The following NUBPL variants were observed in gnomAD, a reference collection of about 807,000 sequenced individuals.
NUBPL encodes iron-sulfur cluster transfer protein NUBPL.
Under a neutral mutation model 45.7 loss-of-function variants are expected in NUBPL, and 31 were observed. The observed-to-expected ratio is 0.68, with a 90% confidence interval of 0.51 to 0.92. The LOEUF is 0.92. Among genes scored for constraint, NUBPL ranks in the 40% least tolerant of loss-of-function variants. The pLI is 0.00. For missense variants in NUBPL, 401 were observed against 398.7 expected (o/e 1.01, Z -0.05); for synonymous variants, 144 against 140.9 (o/e 1.02, Z -0.15).
intron 6 of NUBPL, among the ~76,000 whole-genome samples, chr14:31,756,274 T>C (rs565506701): frequency 6.6e-6 from 1 of 152,332 alleles, no homozygotes; most frequent in Admixed American, 6.5e-5. Flanking sequence ...GCATTGAATC[T>C]ATAAATTTCC....
At chr14:31,709,420 A>G (rs11621384) in intron 6 of NUBPL, among the ~76,000 whole-genome samples, 44,914 of 152,122 alleles carry the variant, frequency 0.3, 7,491 homozygotes, top group South Asian at 0.41. Context: ...GATCTGAGTC[A>G]AGGTCCCAGT....
At chr14:31,618,763 TGG>T (rs1351296299) in intron 4 of NUBPL, among the ~76,000 whole-genome samples, 3 of 152,122 alleles carry the variant, frequency 2.0e-5, no homozygotes, top group African/African-American at 7.2e-5. Context: ...TGAGTTAGGG[TGG>T]AGAGTTCTGT....
At chr14:31,577,960 G>A (rs1595305722) in intron 3 of NUBPL, 1 of 1,288,998 alleles carries the variant, frequency 7.8e-7, no homozygotes, top group South Asian at 1.2e-5. Context: ...CTTTCACAAG[G>A]TCGGGGACTG....
intron 4 of NUBPL, among the ~76,000 whole-genome samples, chr14:31,620,514 C>T (rs1408776743): frequency 6.6e-6 from 1 of 152,122 alleles, no homozygotes; most frequent in South Asian, 2.1e-4. Context: ...CTGTTTGTTA[C>T]TTTATCTTCT....
intron 4 of NUBPL, among the ~76,000 whole-genome samples, chr14:31,659,628 A>T (rs2036221584): frequency 6.6e-6 from 1 of 150,840 alleles, no homozygotes; most frequent in African/African-American, 2.4e-5. Flanking sequence ...TTATATCTGT[A>T]CTCAGTGAAT....
intron 3 of NUBPL, among the ~76,000 whole-genome samples, chr14:31,586,901 A>G (rs2034009335): frequency 6.6e-6 from 1 of 152,172 alleles, no homozygotes; most frequent in Non-Finnish European, 1.5e-5. Flanking sequence ...TCCAAAATGA[A>G]TTTTGCAATC....
chr14:31,571,296 A>G (rs1595294204), intron 3 of NUBPL, among the ~76,000 whole-genome samples: 1 of 148,704 alleles, frequency 6.7e-6, no homozygotes, highest in African/African-American at 2.5e-5. Flanking sequence ...CTTGATGTGC[A>G]CCTCTTGTTC....
At position 31,644,590 on chromosome 14, in the gene NUBPL, A is replaced by T. The variant is rs1015272691; in HGVS notation, c.383-28765A>T. 2.6e-5 allele frequency among the ~76,000 whole-genome samples: 4 copies of T among 152,060 alleles called. No homozygotes were observed. In the South Asian group the frequency reaches 8.3e-4, roughly 32 times the overall value. On this transcript the variant is annotated intron_variant, in intron 4 of 10. Transcript: ENST00000281081. ...CCTAAGATTTGGTATCTTCTGGATA[A>T]TGTTTTATGTGGCAATAAAGAGAGT... is the stretch of plus-strand genomic sequence containing the variant.
chr14:31,765,367 G>A (rs558276739), intron 6 of NUBPL, among the ~76,000 whole-genome samples: 2 of 152,294 alleles, frequency 1.3e-5, no homozygotes, highest in Non-Finnish European at 2.9e-5. Flanking sequence ...CCTCACAAAT[G>A]TACAAATATG....
chr14:31,604,390 T>A (rs1331659054), intron 4 of NUBPL, among the ~76,000 whole-genome samples: 2 of 152,206 alleles, frequency 1.3e-5, no homozygotes, highest in Non-Finnish European at 2.9e-5. Context: ...ATTTATCCTA[T>A]TCTGCTATTA....
At chr14:31,635,271 G>A (rs1219583076) in intron 4 of NUBPL, among the ~76,000 whole-genome samples, 1 of 152,180 alleles carries the variant, frequency 6.6e-6, no homozygotes, top group Non-Finnish European at 1.5e-5. Context: ...TTTGTGTAAG[G>A]TGTAAGGAGG....
At position 31,653,616 on chromosome 14, in the gene NUBPL, T is replaced by C. The variant is rs569423013; in HGVS notation, c.383-19739T>C. Among the ~76,000 whole-genome samples, 16 of 152,344 alleles carry C rather than the reference T, an allele frequency of 1.1e-4. No homozygotes were observed. The East Asian group carries it at 2.1e-3, about 20-fold the overall frequency. On this transcript the variant is annotated intron_variant, in intron 4 of 10. Transcript: ENST00000281081. ...GCTGTTATTCTGTTCTTTTTCAAGA[T>C]GCACTGATTTCGTATTGTTCAAACG... is the stretch of plus-strand genomic sequence containing the variant.
intron 10 of NUBPL, among the ~76,000 whole-genome samples, chr14:31,852,239 T>C (rs1461573634): frequency 6.6e-6 from 1 of 152,240 alleles, no homozygotes. Flanking sequence ...AAGTAGAATA[T>C]AACTGTATTT....
At chr14:31,699,056 TGTTG>T (rs1473828786) in intron 6 of NUBPL, among the ~76,000 whole-genome samples, 4 of 152,176 alleles carry the variant, frequency 2.6e-5, no homozygotes, top group Non-Finnish European at 4.4e-5. Flanking sequence ...CATTTCGCCA[TGTTG>T]GTCAGGCTTG....
intron 4 of NUBPL, among the ~76,000 whole-genome samples, chr14:31,653,468 G>A (rs949348904): frequency 7.2e-5 from 11 of 152,264 alleles, no homozygotes; most frequent in East Asian, 1.9e-4. Context: ...AGAATTTAGC[G>A]ATATCTCTCC....
At chr14:31,698,640 C>T (rs888218203) in intron 6 of NUBPL, among the ~76,000 whole-genome samples, 6 of 152,174 alleles carry the variant, frequency 3.9e-5, no homozygotes, top group South Asian at 2.1e-4. Flanking sequence ...AAAAAAGGCA[C>T]GAAACCTGTC....
At chr14:31,647,054 A>G (rs532671378) in intron 4 of NUBPL, among the ~76,000 whole-genome samples, 1 of 152,058 alleles carries the variant, frequency 6.6e-6, no homozygotes, top group Non-Finnish European at 1.5e-5. Context: ...TGCTTGATTT[A>G]TTTTTAATAT....
intron 6 of NUBPL, among the ~76,000 whole-genome samples, chr14:31,748,353 G>C (rs551157803): frequency 1.3e-5 from 2 of 152,226 alleles, no homozygotes; most frequent in South Asian, 4.1e-4. Context: ...ATGTTTCTCT[G>C]TTGTTTTTTT....
At chr14:31,649,564 TA>T (rs2035945847) in intron 4 of NUBPL, among the ~76,000 whole-genome samples, 1 of 152,356 alleles carries the variant, frequency 6.6e-6, no homozygotes, top group African/African-American at 2.4e-5. Flanking sequence ...TTTGAAATTT[TA>T]ACTTTTAAGG....
Sources: allele counts gnomAD v4.1 joint callset (sites outside exome capture counted in the v4.1 genomes callset), GRCh38; gene constraint gnomAD v4.1.1; transcripts MANE v1.5; gene names NCBI Gene and HGNC (gene_info 2026-07-23, HGNC 2026-07-21).